Variants in ATP10B observed in about 807,000 individuals in gnomAD.
ATP10B encodes the protein ATPase phospholipid transporting 10B (putative).
Under a neutral mutation model 141.2 loss-of-function variants are expected in ATP10B, and 122 were observed. That is an observed-to-expected ratio of 0.86 (90% CI 0.75 to 1.00). The LOEUF is 1.00. Among genes scored for constraint, ATP10B ranks in the 50% least tolerant of loss-of-function variants. The pLI is 0.00. For missense variants in ATP10B, 1,876 were observed against 1,825.3 expected, an observed-to-expected ratio of 1.03 and a Z score of -0.51; for synonymous variants, 685 against 692.0, an observed-to-expected ratio of 0.99 and a Z score of 0.16.
Position 160,606,909 on chromosome 5 carries a change from T to C in ATP10B, c.3016A>G (p.Ile1006Val), listed in dbSNP as rs749636323. The C allele has an allele frequency of 1.2e-5, 19 of 1,614,064 alleles. 1 individual carries two copies. In the Admixed American group the frequency reaches 1.5e-4, roughly 13 times the overall value. ...TTCTTCTCTAGCTTTCCCTGGAAGATGGCATTCAATGTCTTCCCATCGATG... is the reference window on the plus strand; with the variant it reads ...TTCTTCTCTAGCTTTCCCTGGAAGACGGCATTCAATGTCTTCCCATCGATG... ...LVIDGKTLNAIFQGKLEKKFL... is the reference protein window; with the variant it reads ...LVIDGKTLNAVFQGKLEKKFL... The change falls in exon 19 of 26, where the codon ATC (isoleucine) becomes GTC (valine). Residue 1006 changes from isoleucine (I) to valine (V), a missense_variant. Physicochemically the swap from Ile to Val is conservative, Grantham distance 29 (BLOSUM62 3). Coordinates refer to ENST00000327245, the MANE Select transcript of ATP10B (RefSeq NM_025153.3).
intron 3 of ATP10B, among the ~76,000 whole-genome samples, chr5:160,714,614 T>C (rs1299936941): frequency 4.5e-4 from 58 of 129,408 alleles, no homozygotes; most frequent in African/African-American, 1.8e-3. Context: ...TTCTCTCAGC[T>C]CGTCAAAATC....
chr5:160,922,713 T>C, the ATP10B span, among the ~76,000 whole-genome samples: 1 of 152,266 alleles, frequency 6.6e-6, no homozygotes, highest in Non-Finnish European at 1.5e-5. Context: ...GAAGCTGACA[T>C]ACTGATTCAG....
chr5:160,628,697 T>G (rs2127658324), intron 13 of ATP10B, among the ~76,000 whole-genome samples: 1 of 152,306 alleles, frequency 6.6e-6, no homozygotes, highest in Admixed American at 6.5e-5. Flanking sequence ...TTCTGTGGTC[T>G]GATGGCACTG....
chr5:160,839,453 C>T (rs1775685090), intron 1 of ATP10B, among the ~76,000 whole-genome samples: 1 of 151,906 alleles, frequency 6.6e-6, no homozygotes, highest in Non-Finnish European at 1.5e-5. Flanking sequence ...GCTTTAAAAG[C>T]TTAAGTGAGA....
At chr5:160,911,730 AG>A in the ATP10B span, among the ~76,000 whole-genome samples, 1 of 152,182 alleles carries the variant, frequency 6.6e-6, no homozygotes, top group African/African-American at 2.4e-5. Context: ...TGAGAGGGGA[AG>A]GGGGTCATCA....
intron 16 of ATP10B, among the ~76,000 whole-genome samples, chr5:160,616,565 C>T (rs1758012526): frequency 6.6e-6 from 1 of 152,232 alleles, no homozygotes; most frequent in African/African-American, 2.4e-5. Context: ...GGCATGGTGT[C>T]ATACACATGG....
the ATP10B span, among the ~76,000 whole-genome samples, chr5:160,927,618 C>T: frequency 1.3e-5 from 2 of 152,170 alleles, no homozygotes; most frequent in Non-Finnish European, 2.9e-5. Flanking sequence ...AACTGGTGGT[C>T]ATGATATCTC....
chr5:160,836,711 C>A (rs1467272790), intron 1 of ATP10B, among the ~76,000 whole-genome samples: 1 of 152,034 alleles, frequency 6.6e-6, no homozygotes, highest in African/African-American at 2.4e-5. Flanking sequence ...ACATTTGGTC[C>A]CTCTGGTTCC....
the ATP10B span, among the ~76,000 whole-genome samples, chr5:160,919,180 C>T: frequency 1.2e-3 from 153 of 127,140 alleles, no homozygotes; most frequent in African/African-American, 3.4e-3. Flanking sequence ...GTCGAGATCG[C>T]GCCACTGCAC....
At chr5:160,767,640 C>CT (rs879446782) in intron 2 of ATP10B, among the ~76,000 whole-genome samples, 4 of 117,304 alleles carry the variant, frequency 3.4e-5, no homozygotes, top group South Asian at 6.8e-4. Flanking sequence ...GCAGAACCCC[C>CT]CCCCCCAAAA....
rs1346053858 is a variant in ATP10B, at chr5:160,667,056, A to C, written c.675+3407T>G. Among the ~76,000 whole-genome samples, 5 of 152,076 alleles carry C rather than the reference A, an allele frequency of 3.3e-5. No individual in the cohort carries two copies. The East Asian group carries it at 7.7e-4, about 23-fold the overall frequency. ...ACACGGTGAAACCTCGTCTCTACTA[A>C]AAATACAAAAAATTAGCCGGGCGTG... On this transcript the variant is annotated intron_variant, in intron 7 of 25. Transcript: ENST00000327245.
the ATP10B span, among the ~76,000 whole-genome samples, chr5:160,893,158 T>C: frequency 6.6e-6 from 1 of 152,046 alleles, no homozygotes; most frequent in Non-Finnish European, 1.5e-5. Context: ...GGAGTTTTTT[T>C]TTCATACCCA....
chr5:160,815,917 G>A (rs1036354312), intron 1 of ATP10B, among the ~76,000 whole-genome samples: 1 of 152,122 alleles, frequency 6.6e-6, no homozygotes, highest in South Asian at 2.1e-4. Flanking sequence ...TGACTACTGG[G>A]TACATAACGA....
chr5:160,682,680 T>C (rs1205268876), intron 6 of ATP10B, among the ~76,000 whole-genome samples: 2 of 151,374 alleles, frequency 1.3e-5, no homozygotes, highest in Non-Finnish European at 2.9e-5. Context: ...GTATATTCCA[T>C]GGAAAAAAAA....
At chr5:160,928,784 A>T in the ATP10B span, among the ~76,000 whole-genome samples, 36 of 152,304 alleles carry the variant, frequency 2.4e-4, no homozygotes, top group African/African-American at 8.7e-4. Context: ...CCTTTTGGAA[A>T]GGGGCCTTGA....
chr5:160,616,644 C>G (rs1758016013), intron 16 of ATP10B, among the ~76,000 whole-genome samples: 1 of 152,166 alleles, frequency 6.6e-6, no homozygotes, highest in Non-Finnish European at 1.5e-5. Flanking sequence ...ATTTTAGACC[C>G]TCCTGTTGAC....
chr5:160,890,428 T>C, the ATP10B span, among the ~76,000 whole-genome samples: 1 of 152,166 alleles, frequency 6.6e-6, no homozygotes, highest in East Asian at 1.9e-4. Flanking sequence ...ACCCTCCCCA[T>C]TAAGCAGTCA....
chr5:160,644,566 C>A (rs1268865023), intron 8 of ATP10B, among the ~76,000 whole-genome samples: 1 of 152,082 alleles, frequency 6.6e-6, no homozygotes, highest in Non-Finnish European at 1.5e-5. Flanking sequence ...TGTTTTTATG[C>A]AGGTTGCAGC....
chr5:160,602,965 C>A (rs778232201), intron 20 of ATP10B: 20 of 346,632 alleles, frequency 5.8e-5, no homozygotes, highest in Non-Finnish European at 9.4e-5. Flanking sequence ...ATCCAGCAAG[C>A]ATTGACTGTG....
Sources: gnomAD v4.1 joint callset for allele counts (sites outside exome capture counted in the v4.1 genomes callset) on GRCh38, gnomAD v4.1.1 for gene constraint, MANE v1.5 for transcripts, NCBI Gene and HGNC (gene_info 2026-07-23, HGNC 2026-07-21) for gene names.